LUZP2: variants seen among roughly 807,000 people sequenced by gnomAD.
LUZP2 encodes the protein leucine zipper protein 2.
In LUZP2, 52 loss-of-function variants were observed where a neutral mutation model predicts 51.6. The ratio of observed to expected loss-of-function variants is 1.01; its 90% CI spans 0.81 to 1.27. The LOEUF is 1.27. Among genes scored for constraint, LUZP2 ranks in the 50% most tolerant of loss-of-function variants. The pLI is 0.00. For missense variants in LUZP2, 436 were observed against 395.4 expected, an observed-to-expected ratio of 1.10 and a Z score of -0.87; for synonymous variants, 154 against 137.3, an observed-to-expected ratio of 1.12 and a Z score of -0.85.
intron 1 of LUZP2, among the ~76,000 whole-genome samples, chr11:24,510,531 T>C (rs1850277469): frequency 6.6e-6 from 1 of 152,166 alleles, no homozygotes; most frequent in Non-Finnish European, 1.5e-5. Flanking sequence ...ACACATAAGT[T>C]ATGTAACAGG....
chr11:24,691,044 A>G (rs190179964), intron 1 of LUZP2, among the ~76,000 whole-genome samples: 18 of 152,160 alleles, frequency 1.2e-4, no homozygotes, highest in African/African-American at 4.3e-4. Context: ...AGATTCTCTT[A>G]AATTGTGTCA....
intron 9 of LUZP2, among the ~76,000 whole-genome samples, chr11:24,988,348 A>C (rs934395451): frequency 6.6e-6 from 1 of 152,038 alleles, no homozygotes; most frequent in East Asian, 1.9e-4. Flanking sequence ...ATTAGAAGGT[A>C]AAATTTTTTT....
chr11:24,757,866 C>G (rs931305919), intron 4 of LUZP2, among the ~76,000 whole-genome samples: 1 of 151,968 alleles, frequency 6.6e-6, no homozygotes, highest in Non-Finnish European at 1.5e-5. Context: ...TCCAAAATTT[C>G]TGCAATTAGA....
At chr11:24,783,026 C>A (rs549756362) in intron 5 of LUZP2, among the ~76,000 whole-genome samples, 1 of 152,064 alleles carries the variant, frequency 6.6e-6, no homozygotes, top group East Asian at 1.9e-4. Context: ...TTTTCCTCTC[C>A]TTTTCAGGTG....
At chr11:24,659,141 A>G (rs1855922151) in intron 1 of LUZP2, among the ~76,000 whole-genome samples, 1 of 152,220 alleles carries the variant, frequency 6.6e-6, no homozygotes, top group Non-Finnish European at 1.5e-5. Context: ...TTGTGGCACT[A>G]TTCACAATAG....
intron 8 of LUZP2, among the ~76,000 whole-genome samples, chr11:24,980,320 AAAT>A (rs1855991681): frequency 6.6e-6 from 1 of 151,774 alleles, no homozygotes; most frequent in African/African-American, 2.4e-5. Context: ...CACACCAAAA[AAAT>A]CTACCTCCTA....
intron 1 of LUZP2, among the ~76,000 whole-genome samples, chr11:24,503,209 A>G (rs1401575190): frequency 1.3e-5 from 2 of 151,020 alleles, no homozygotes; most frequent in Non-Finnish European, 3.0e-5. Flanking sequence ...ACAATTATGT[A>G]ATAACATTCT....
At chr11:25,020,098 T>C (rs1225786425) in intron 9 of LUZP2, among the ~76,000 whole-genome samples, 1 of 152,070 alleles carries the variant, frequency 6.6e-6, no homozygotes, top group Non-Finnish European at 1.5e-5. Flanking sequence ...TTTAACATAT[T>C]TTCTAAAGTT....
At chr11:24,878,803 C>T (rs1163960753) in intron 5 of LUZP2, among the ~76,000 whole-genome samples, 2 of 151,674 alleles carry the variant, frequency 1.3e-5, no homozygotes, top group Admixed American at 1.3e-4. Flanking sequence ...CTGGTGTATG[C>T]TGTTCCCCTC....
intron 1 of LUZP2, among the ~76,000 whole-genome samples, chr11:24,720,929 T>C (rs2129363): frequency 0.37 from 56,213 of 152,010 alleles, 10,751 homozygotes; most frequent in Non-Finnish European, 0.41. Flanking sequence ...CCTCGTGATC[T>C]GTCCGCCTCG....
chr11:24,918,962 TTATA>T, intron 7 of LUZP2, among the ~76,000 whole-genome samples: 2 of 132,474 alleles, frequency 1.5e-5, no homozygotes, highest in African/African-American at 5.5e-5. Flanking sequence ...ATAATATGTA[TTATA>T]TATAGTTATA....
At chr11:24,658,975 A>G (rs1855915571) in intron 1 of LUZP2, among the ~76,000 whole-genome samples, 3 of 152,300 alleles carry the variant, frequency 2.0e-5, no homozygotes, top group Admixed American at 2.0e-4. Flanking sequence ...TGTTGGTGGG[A>G]CTGTAAACTA....
intron 5 of LUZP2, chr11:24,785,690 TTAAGA>T (rs980613239): frequency 3.2e-5 from 6 of 187,962 alleles, no homozygotes; most frequent in Non-Finnish European, 4.0e-5. Context: ...AAAAACTCAG[TTAAGA>T]TAAATCGTTA....
At chr11:24,588,975 C>T (rs1853168392) in intron 1 of LUZP2, among the ~76,000 whole-genome samples, 1 of 152,096 alleles carries the variant, frequency 6.6e-6, no homozygotes, top group Admixed American at 6.6e-5. Context: ...AACTCTGTTT[C>T]TCTTCTTGCC....
Position 24,693,993 on chromosome 11 carries a change from A to G in LUZP2, c.63-35176A>G, listed in dbSNP as rs533512248. Among the ~76,000 whole-genome samples the G allele has an allele frequency of 2.0e-5, 3 of 152,236 alleles. No individual in the cohort carries two copies. In the South Asian group the frequency reaches 6.2e-4, roughly 32 times the overall value. ...AGGAAAAAGAGATGCTTTCATACAT[A>G]TCATTGGTGGACATATAAAATGCAA... On this transcript the variant is annotated intron_variant, in intron 1 of 11. Transcript: ENST00000336930.
At chr11:24,834,627 G>T (rs1023860634) in intron 5 of LUZP2, among the ~76,000 whole-genome samples, 1 of 152,192 alleles carries the variant, frequency 6.6e-6, no homozygotes, top group African/African-American at 2.4e-5. Context: ...GTATTGCTGG[G>T]TCAAATGGTA....
At chr11:24,603,067 G>A (rs562626234) in intron 1 of LUZP2, among the ~76,000 whole-genome samples, 3 of 151,780 alleles carry the variant, frequency 2.0e-5, no homozygotes, top group African/African-American at 7.2e-5. Flanking sequence ...TTTTTGTATA[G>A]CTTCTATACG....
In LUZP2 at chr11:24,601,912, G is replaced by A. The variant is rs11028051; in HGVS notation, c.62+104607G>A. On this transcript the variant is annotated intron_variant, in intron 1 of 11. Transcript: ENST00000336930. ...TGTATATATGTATATATGTATATAT[G>A]TATATATGTATATATATGTATATAT... Among the ~76,000 whole-genome samples the A allele has an allele frequency of 3.7e-3, 505 of 136,888 alleles. 24 individuals carry two copies. The East Asian group carries it at 0.091, about 25-fold the overall frequency. The allele number at this position is 136,888 out of a possible 152,430, so 89.8% of individuals were successfully genotyped here.
chr11:24,717,915 G>T (rs1437498589), intron 1 of LUZP2, among the ~76,000 whole-genome samples: 3 of 152,068 alleles, frequency 2.0e-5, no homozygotes. Context: ...TCCCATAAAA[G>T]ATATGATCTC....
Sources: allele counts gnomAD v4.1 joint callset (sites outside exome capture counted in the v4.1 genomes callset), GRCh38; gene constraint gnomAD v4.1.1; transcripts MANE v1.5; gene names NCBI Gene and HGNC (gene_info 2026-07-23, HGNC 2026-07-21).